The following NCKAP5 variants were observed in gnomAD, a reference collection of about 807,000 sequenced individuals.
The protein encoded by NCKAP5 is nck-associated protein 5.
Under a neutral mutation model 167.0 loss-of-function variants are expected in NCKAP5, and 92 were observed. The ratio of observed to expected loss-of-function variants is 0.55; its 90% CI spans 0.47 to 0.66. The LOEUF is 0.66. Ranked by LOEUF, NCKAP5 falls within the 30% of genes least tolerant of loss-of-function variation. NCKAP5 has a pLI of 0.00. For missense variants in NCKAP5, 2,378 were observed against 2,315.0 expected, an observed-to-expected ratio of 1.03 and a Z score of -0.56; for synonymous variants, 891 against 877.4, an observed-to-expected ratio of 1.02 and a Z score of -0.27.
At chr2:132,935,826 C>T (rs1696798858) in intron 8 of NCKAP5, among the ~76,000 whole-genome samples, 1 of 152,096 alleles carries the variant, frequency 6.6e-6, no homozygotes, top group African/African-American at 2.4e-5. Context: ...TGACAAGCTA[C>T]ACATGATGTG....
rs185121097 is a variant in NCKAP5 at position 133,217,802 on chromosome 2, A to G, written c.144-4023T>C. 4.1e-4 allele frequency among the ~76,000 whole-genome samples: 62 copies of G among 152,250 alleles called. 1 individual carries two copies. Among genetic ancestry groups the G allele is most frequent in the African/African-American group, 1.4e-3 (59 of 41,564 alleles). ...ATTTTAAATAATATTACCATCTTGC[A>G]TTTACATAGTACATAACGCAGGTAC... On this transcript the variant is annotated intron_variant, in intron 4 of 19. Coordinates refer to ENST00000409261, the MANE Select transcript of NCKAP5 (RefSeq NM_207363.3).
chr2:132,841,712 T>A (rs1051708402), intron 11 of NCKAP5, among the ~76,000 whole-genome samples: 1 of 152,134 alleles, frequency 6.6e-6, no homozygotes, highest in Non-Finnish European at 1.5e-5. Context: ...AGAGTTTTTA[T>A]TGAAAATGAG....
At chr2:132,996,025 AAC>A (rs2077589566) in intron 6 of NCKAP5, among the ~76,000 whole-genome samples, 1 of 152,212 alleles carries the variant, frequency 6.6e-6, no homozygotes, top group South Asian at 2.1e-4. Context: ...GGCACAAACA[AAC>A]ACATTAGACT....
chr2:132,888,333 C>A (rs1336214348), intron 8 of NCKAP5, among the ~76,000 whole-genome samples: 3 of 152,098 alleles, frequency 2.0e-5, no homozygotes, highest in African/African-American at 7.2e-5. Flanking sequence ...TGATAACCAA[C>A]TTTTCCCCTT....
At chr2:133,347,540 T>A (rs371526723) in intron 3 of NCKAP5, among the ~76,000 whole-genome samples, 9 of 151,642 alleles carry the variant, frequency 5.9e-5, no homozygotes, top group East Asian at 5.8e-4. Flanking sequence ...GCAACAGGAG[T>A]GAAACTCCAT....
At chr2:133,331,727 T>C (rs1682866832) in intron 3 of NCKAP5, among the ~76,000 whole-genome samples, 1 of 152,148 alleles carries the variant, frequency 6.6e-6, no homozygotes, top group African/African-American at 2.4e-5. Context: ...GAGGTGCCCA[T>C]TAAAGGTGTG....
chr2:133,635,890 C>A, the NCKAP5 span, among the ~76,000 whole-genome samples: 264 of 152,276 alleles, frequency 1.7e-3, 1 homozygote, highest in African/African-American at 6.0e-3. Context: ...AAACCTTTAC[C>A]AGGTTCAAAT....
chr2:133,567,101 G>C (rs1199746834), intron 1 of NCKAP5, among the ~76,000 whole-genome samples: 1 of 152,200 alleles, frequency 6.6e-6, no homozygotes, highest in African/African-American at 2.4e-5. Flanking sequence ...GTGAGTCATG[G>C]GGTTCACATG....
intron 5 of NCKAP5, among the ~76,000 whole-genome samples, chr2:133,130,869 T>C (rs2082578044): frequency 6.6e-6 from 1 of 152,202 alleles, no homozygotes; most frequent in African/African-American, 2.4e-5. Context: ...TGTTGTTGCC[T>C]TTTTTAAAAA....
chr2:133,285,556 C>A (rs1225927690), intron 4 of NCKAP5, among the ~76,000 whole-genome samples: 1 of 151,934 alleles, frequency 6.6e-6, no homozygotes, highest in Non-Finnish European at 1.5e-5. Flanking sequence ...GAGGGGCACA[C>A]AGAGGGGATA....
chr2:133,626,737 A>G, the NCKAP5 span, among the ~76,000 whole-genome samples: 1 of 152,076 alleles, frequency 6.6e-6, no homozygotes, highest in Admixed American at 6.5e-5. Flanking sequence ...GGAAGTAGTA[A>G]GAAAGCAAGT....
At chr2:133,674,306 A>G in the NCKAP5 span, among the ~76,000 whole-genome samples, 4 of 152,178 alleles carry the variant, frequency 2.6e-5, no homozygotes, top group East Asian at 7.7e-4. Context: ...ATCAGACAAC[A>G]TGAAAATTAA....
intron 8 of NCKAP5, among the ~76,000 whole-genome samples, chr2:132,914,040 C>T (rs1027827759): frequency 3.3e-5 from 5 of 152,158 alleles, no homozygotes; most frequent in Non-Finnish European, 4.4e-5. Context: ...CTCGCACCAC[C>T]TTGAAAAATA....
At chr2:133,125,688 T>G (rs1381823867) in intron 6 of NCKAP5, among the ~76,000 whole-genome samples, 1 of 152,198 alleles carries the variant, frequency 6.6e-6, no homozygotes, top group East Asian at 1.9e-4. Flanking sequence ...CTCTCTCAAC[T>G]GTGAAGGCTT....
At chr2:133,591,326 G>A in the NCKAP5 span, among the ~76,000 whole-genome samples, 2 of 152,230 alleles carry the variant, frequency 1.3e-5, no homozygotes, top group African/African-American at 4.8e-5. Flanking sequence ...GAATGTGTTT[G>A]CCAACTGAAG....
the NCKAP5 span, among the ~76,000 whole-genome samples, chr2:133,606,897 G>C: frequency 1.3e-5 from 2 of 152,092 alleles, no homozygotes; most frequent in Admixed American, 6.6e-5. Context: ...AGAAAATAAG[G>C]AGAACTAAAT....
chr2:132,882,631 A>G (rs1437694842), intron 8 of NCKAP5, among the ~76,000 whole-genome samples: 1 of 151,924 alleles, frequency 6.6e-6, no homozygotes, highest in African/African-American at 2.4e-5. Flanking sequence ...CTCCCCTTTT[A>G]GTGTGTTTAT....
chr2:133,328,529 GAGCTCCTGGAGT>G (rs1216479383), intron 3 of NCKAP5, among the ~76,000 whole-genome samples: 14 of 152,228 alleles, frequency 9.2e-5, no homozygotes, highest in Non-Finnish European at 1.9e-4. Context: ...CCACCAGGTA[GAGCTCCTGGAGT>G]CTCCACTGCC....
chr2:132,944,286 T>C (rs1366180364), intron 8 of NCKAP5, among the ~76,000 whole-genome samples: 1 of 152,166 alleles, frequency 6.6e-6, no homozygotes, highest in Admixed American at 6.5e-5. Context: ...ATAGAATTAG[T>C]GGGAGACAGG....
Sources: allele counts gnomAD v4.1 joint callset (sites outside exome capture counted in the v4.1 genomes callset), GRCh38; gene constraint gnomAD v4.1.1; transcripts MANE v1.5; gene names NCBI Gene and HGNC (gene_info 2026-07-23, HGNC 2026-07-21).